Variants in PPP6R2 observed in about 807,000 individuals in gnomAD.
PPP6R2 encodes serine/threonine-protein phosphatase 6 regulatory subunit 2.
In PPP6R2, 62 loss-of-function variants were observed where a neutral mutation model predicts 100.2. The observed-to-expected ratio is 0.62, with a 90% CI of 0.50 to 0.76. The LOEUF (loss-of-function observed/expected upper bound fraction) is 0.76, where lower values mean the gene tolerates loss of function less well. Ranked by LOEUF, PPP6R2 falls within the 30% of genes least tolerant of loss-of-function variation. PPP6R2 has a pLI of 0.00. For synonymous variants in PPP6R2, 525 were observed against 514.7 expected (o/e 1.02, Z -0.27); for missense variants, 1,142 against 1,276.3 (o/e 0.89, Z 1.60).
At chr22:50,380,878 A>G (rs1177961655) in intron 2 of PPP6R2, among the ~76,000 whole-genome samples, 2 of 150,768 alleles carry the variant, frequency 1.3e-5, no homozygotes, top group African/African-American at 2.4e-5. Context: ...AGTCCCAGCT[A>G]TTCGGGAGGC....
At chr22:50,382,046 T>C (rs1170069142) in intron 2 of PPP6R2, among the ~76,000 whole-genome samples, 3 of 152,100 alleles carry the variant, frequency 2.0e-5, no homozygotes, top group Non-Finnish European at 4.4e-5. Flanking sequence ...AATGATAATA[T>C]ATATTGAAAA....
At chr22:50,440,330 C>G (rs1231049732) in intron 21 of PPP6R2, among the ~76,000 whole-genome samples, 1 of 152,246 alleles carries the variant, frequency 6.6e-6, no homozygotes, top group African/African-American at 2.4e-5. Flanking sequence ...GACAGCAGCA[C>G]TGGGACCCCA....
intron 1 of PPP6R2, among the ~76,000 whole-genome samples, chr22:50,364,884 G>A (rs778548793): frequency 2.6e-5 from 4 of 152,038 alleles, no homozygotes; most frequent in African/African-American, 4.8e-5. Context: ...GCAGAAGTAC[G>A]GTGTATTCTT....
At position 50,436,415 on chromosome 22, in the gene PPP6R2, C is replaced by T. The variant is rs768946388; in HGVS notation, c.1565C>T (p.Thr522Met). The T allele has an allele frequency of 4.4e-6, 7 of 1,592,782 alleles. No individual in the cohort carries two copies. The highest frequency in any genetic ancestry group is 1.3e-5 in the African/African-American group (1 of 74,816). The change falls in exon 14 of 24, where the codon ACG becomes ATG. Residue 522 changes from threonine to methionine, a missense_variant. Physicochemically the swap from Thr to Met is moderately conservative, Grantham distance 81. This residue lies in a region of PPP6R2 where 592 missense variants were observed against 758.9 expected (regional missense o/e 0.78). Coordinates refer to ENST00000612753, the MANE Select transcript of PPP6R2 (RefSeq NM_001242898.2). ...RGRWESFVEE[T>M]LTETNRRNTV... ...CGCTGGGAGAGCTTCGTGGAGGAGA[C>T]GCTGACGGAGACGAACCGCAGGAAC...
chr22:50,441,271 CTG>C (rs2065539128), intron 22 of PPP6R2, among the ~76,000 whole-genome samples: 1 of 152,194 alleles, frequency 6.6e-6, no homozygotes, highest in Non-Finnish European at 1.5e-5. Context: ...ATCGTGTTCT[CTG>C]TTGTGAGTGG....
intron 7 of PPP6R2, among the ~76,000 whole-genome samples, 168 bp downstream of exon 7, chr22:50,419,147 G>A (rs1027121071): frequency 2.0e-5 from 3 of 152,232 alleles, no homozygotes; most frequent in Non-Finnish European, 2.9e-5. Context: ...TCCAGAGGGA[G>A]GGGTCTCCAG....
At position 50,440,806 on chromosome 22, in the gene PPP6R2, G is replaced by A; in HGVS notation, c.2375-16G>A. The A allele has an allele frequency of 8.7e-6, 14 of 1,612,578 alleles. No individual in the cohort carries two copies. The highest frequency in any genetic ancestry group is 1.1e-5 in the Non-Finnish European group (13 of 1,179,976). ...CCTCCTGCCTCACTGGACAGCACAGGCCTCCTACTTTGCAGTCAGCCCGGC... is the reference window on the plus strand; with the variant it reads ...CCTCCTGCCTCACTGGACAGCACAGACCTCCTACTTTGCAGTCAGCCCGGC... On this transcript the variant is annotated splice_polypyrimidine_tract_variant and intron_variant, in intron 21 of 23. Coordinates refer to ENST00000612753, the MANE Select transcript of PPP6R2 (RefSeq NM_001242898.2).
chr22:50,373,740 G>GTT (rs201026631), intron 2 of PPP6R2, among the ~76,000 whole-genome samples: 2 of 148,270 alleles, frequency 1.3e-5, no homozygotes, highest in African/African-American at 2.5e-5. Flanking sequence ...ATTTTTATGT[G>GTT]TTTTTTTTTG....
At chr22:50,438,462 G>A in intron 18 of PPP6R2, 137 bp from the exon 19 acceptor site, 2 of 1,427,258 alleles carry the variant, frequency 1.4e-6, no homozygotes, top group Middle Eastern at 2.6e-4. Flanking sequence ...GCCCAGAGCT[G>A]AGGCCTGGAG....
intron 19 of PPP6R2, 146 bp downstream of exon 19, chr22:50,438,908 C>T: frequency 1.1e-6 from 1 of 908,586 alleles, no homozygotes; most frequent in East Asian, 2.7e-5. Flanking sequence ...TATTTCCCAG[C>T]CGTCCTGAGT....
intron 22 of PPP6R2, among the ~76,000 whole-genome samples, chr22:50,442,213 G>T (rs2065821058): frequency 6.6e-6 from 1 of 152,202 alleles, no homozygotes; most frequent in African/African-American, 2.4e-5. Flanking sequence ...TGACACCTCA[G>T]AGGGTCCTGC....
At chr22:50,414,831 G>A in intron 5 of PPP6R2, 142 bp downstream of exon 5, 1 of 967,154 alleles carries the variant, frequency 1.0e-6, no homozygotes, top group Non-Finnish European at 1.5e-6. Flanking sequence ...GCTGTTAGGG[G>A]TTCTTGTCAA....
At position 50,441,164 on chromosome 22, in the gene PPP6R2, G is replaced by A. The variant is rs1434281174; in HGVS notation, c.2579+138G>A. ...TCCACACTGCCTCCCCCATGGCCCC[G>A]TGACCCTTCAGAGGCTGGCTGAGGC... is the stretch of plus-strand genomic sequence containing the variant. On this transcript the variant is annotated intron_variant, in intron 22 of 23. Transcript: ENST00000612753. 7.7e-5 allele frequency: 62 copies of A among 808,564 alleles called. No individual in the cohort carries two copies. The East Asian group carries it at 9.5e-4, about 12-fold the overall frequency. The allele number at this position is 808,564 out of a possible 1,614,324, so 50.1% of individuals were successfully genotyped here.
At chr22:50,353,685 T>A (rs568218810) in intron 1 of PPP6R2, among the ~76,000 whole-genome samples, 2 of 151,962 alleles carry the variant, frequency 1.3e-5, no homozygotes, top group Non-Finnish European at 2.9e-5. Context: ...CGAAGCACAA[T>A]GAAGGGAAGC....
chr22:50,360,085 C>T (rs2047473762), intron 1 of PPP6R2, among the ~76,000 whole-genome samples: 1 of 142,664 alleles, frequency 7.0e-6, no homozygotes, highest in Non-Finnish European at 1.5e-5. Context: ...TGGACTCTTG[C>T]TCTGTCATGG....
At chr22:50,354,439 T>C (rs948823846) in intron 1 of PPP6R2, among the ~76,000 whole-genome samples, 7 of 152,230 alleles carry the variant, frequency 4.6e-5, no homozygotes, top group Non-Finnish European at 7.3e-5. Flanking sequence ...CCTTTGAGCA[T>C]CATGTAGATG....
intron 2 of PPP6R2, among the ~76,000 whole-genome samples, chr22:50,390,940 A>G (rs2055362580): frequency 6.6e-6 from 1 of 151,264 alleles, no homozygotes; most frequent in Admixed American, 6.6e-5. Context: ...CGGAGATTGC[A>G]GTGAGCCGAG....
chr22:50,373,580 C>G (rs546782557), intron 2 of PPP6R2, among the ~76,000 whole-genome samples: 27 of 151,894 alleles, frequency 1.8e-4, no homozygotes, highest in Non-Finnish European at 4.0e-4. Flanking sequence ...AAGACAAGGT[C>G]TCACTTTGTC....
rs1353971294 is a variant in PPP6R2, at chr22:50,437,874, T to G, written c.1813T>G (p.Phe605Val). ...APFDRIAEIN[F>V]NIDADEDSPS... Reference sequence around the variant, plus strand: ...GTTTGACAGGATCGCAGAGATCAACTTCAACATCGACGCTGACGAGGACAG... The same window carrying G: ...GTTTGACAGGATCGCAGAGATCAACGTCAACATCGACGCTGACGAGGACAG... The change falls in exon 17 of 24, where the codon TTC becomes GTC. Residue 605 changes from phenylalanine (F) to valine (V), a missense_variant. Transcript: ENST00000612753. 6.4e-7 allele frequency: 1 copy of G among 1,554,652 alleles called. No homozygotes were observed. The highest frequency in any genetic ancestry group is 8.7e-7 in the Non-Finnish European group (1 of 1,148,870).
Sources: gnomAD v4.1 joint callset for allele counts (sites outside exome capture counted in the v4.1 genomes callset) on GRCh38, gnomAD v4.1.1 for gene constraint, gnomAD v4.1.1 regional missense constraint, MANE v1.5 for transcripts, NCBI Gene and HGNC (gene_info 2026-07-23, HGNC 2026-07-21) for gene names.